CGNL1: variants seen among roughly 807,000 people sequenced by gnomAD.
CGNL1 encodes the protein cingulin-like protein 1.
A neutral mutation model predicts 141.2 loss-of-function variants in CGNL1; 132 were observed. That is an observed-to-expected ratio of 0.93 (90% CI 0.81 to 1.08). The LOEUF is 1.08. Among genes scored for constraint, CGNL1 ranks in the 50% least tolerant of loss-of-function variants. The pLI, the probability that CGNL1 is intolerant of heterozygous loss-of-function variation, is 0.00. For synonymous variants in CGNL1, 690 were observed against 622.1 expected, an observed-to-expected ratio of 1.11 and a Z score of -1.63; for missense variants, 1,870 against 1,588.6, an observed-to-expected ratio of 1.18 and a Z score of -3.01.
chr15:57,527,445 A>G (rs1259866344), intron 12 of CGNL1: 1 of 152,240 alleles, frequency 6.6e-6, no homozygotes, highest in Non-Finnish European at 1.5e-5. Context: ...GTATTATTCT[A>G]TTCATGAGAC....
chr15:57,457,143 G>T (rs1330681745), intron 7 of CGNL1, among the ~76,000 whole-genome samples: 1 of 152,178 alleles, frequency 6.6e-6, no homozygotes, highest in South Asian at 2.1e-4. Context: ...GTGAGCATGG[G>T]CCAGAGATAG....
intron 8 of CGNL1, among the ~76,000 whole-genome samples, chr15:57,505,615 G>A (rs1368373607): frequency 5.3e-5 from 8 of 152,146 alleles, no homozygotes; most frequent in South Asian, 2.1e-4. Flanking sequence ...TTAACCCTGT[G>A]GGTACCAGAG....
intron 8 of CGNL1, among the ~76,000 whole-genome samples, chr15:57,495,352 C>A (rs77319829): frequency 0.026 from 3,938 of 152,246 alleles, 100 homozygotes; most frequent in East Asian, 0.091. Context: ...GACTCTGGAA[C>A]CTCTGCCAGC....
At chr15:57,457,014 G>A (rs1417341781) in intron 7 of CGNL1, among the ~76,000 whole-genome samples, 3 of 152,160 alleles carry the variant, frequency 2.0e-5, no homozygotes, top group Non-Finnish European at 4.4e-5. Context: ...AAAAAAGGCA[G>A]CCAAAAATAC....
intron 13 of CGNL1, among the ~76,000 whole-genome samples, chr15:57,531,434 G>A (rs111963529): frequency 6.6e-6 from 1 of 152,090 alleles, no homozygotes; most frequent in African/African-American, 2.4e-5. Flanking sequence ...TTAGGGTTTG[G>A]GATAATGTTT....
intron 4 of CGNL1, among the ~76,000 whole-genome samples, chr15:57,450,282 C>G (rs1425154464): frequency 1.3e-5 from 2 of 151,976 alleles, no homozygotes; most frequent in African/African-American, 4.8e-5. Flanking sequence ...GTTGGTTTGT[C>G]TGTTTGTTTT....
intron 1 of CGNL1, among the ~76,000 whole-genome samples, chr15:57,381,082 T>G (rs1330730834): frequency 6.6e-6 from 1 of 152,244 alleles, no homozygotes; most frequent in East Asian, 1.9e-4. Context: ...CCCATAGGGC[T>G]AATAACCTCA....
rs1268025577 is a variant in CGNL1, at chr15:57,439,570, T to G, written c.1571T>G (p.Val524Gly). ...GATTCTGGTGCCAAGAAAATTTCCG[T>G]GAAGACATTTCCTTCGGCCTCAAAT... is the stretch of plus-strand genomic sequence containing the variant. ...SPDSGAKKISVKTFPSASNTQ... is the reference protein window; with the variant it reads ...SPDSGAKKISGKTFPSASNTQ... The change falls in exon 2 of 19, where the codon GTG (valine) becomes GGG (glycine). Residue 524 changes from valine to glycine, a missense_variant. Transcript: ENST00000281282. The G allele has an allele frequency of 6.2e-7, 1 of 1,613,764 alleles. No individual in the cohort carries two copies. Among genetic ancestry groups the G allele is most frequent in the Admixed American group, 1.7e-5 (1 of 60,026 alleles).
chr15:57,451,433 G>A, intron 4 of CGNL1, 67 bp from the exon 5 acceptor site: 1 of 1,105,434 alleles, frequency 9.0e-7, no homozygotes, highest in Non-Finnish European at 1.4e-6. Flanking sequence ...TATATTTGGA[G>A]GGGGAAGATA....
At chr15:57,491,281 T>C (rs1049776845) in intron 8 of CGNL1, among the ~76,000 whole-genome samples, 2 of 152,216 alleles carry the variant, frequency 1.3e-5, no homozygotes, top group East Asian at 3.8e-4. Flanking sequence ...TTTCTATAGA[T>C]AATTTTTCGT....
chr15:57,528,752 GTATGAGCTGGAA>G lies in CGNL1; in HGVS notation c.3139_3150del (p.Tyr1047_Glu1050del). 1 of 1,614,180 alleles carries G rather than the reference GTATGAGCTGGAA, an allele frequency of 6.2e-7. No individual in the cohort carries two copies. Among genetic ancestry groups the G allele is most frequent in the Non-Finnish European group, 8.5e-7 (1 of 1,180,024 alleles). Reference sequence around the variant, plus strand: ...TGGAGCAGACGCTGAAGGACCTGGAGTATGAGCTGGAAGCCAAGAGTCACCTCAAAGATGACC... The same window carrying G: ...TGGAGCAGACGCTGAAGGACCTGGAGGCCAAGAGTCACCTCAAAGATGACC... On this transcript the variant is annotated inframe_deletion, in exon 13 of 19. Transcript: ENST00000281282.
At chr15:57,430,091 G>A (rs761487671) in intron 1 of CGNL1, among the ~76,000 whole-genome samples, 15 of 152,222 alleles carry the variant, frequency 9.9e-5, no homozygotes, top group African/African-American at 3.4e-4. Flanking sequence ...GGTGACTGGC[G>A]TGAGCCACTG....
At chr15:57,520,457 C>T (rs1388084396) in intron 10 of CGNL1, among the ~76,000 whole-genome samples, 4 of 152,120 alleles carry the variant, frequency 2.6e-5, no homozygotes, top group Admixed American at 6.5e-5. Flanking sequence ...TAGCTGAAGA[C>T]GCTGGTAAAT....
At chr15:57,541,610 G>C (rs182516601) in intron 14 of CGNL1, among the ~76,000 whole-genome samples, 1 of 152,328 alleles carries the variant, frequency 6.6e-6, no homozygotes, top group African/African-American at 2.4e-5. Context: ...CTCTATGCAA[G>C]ATGCCCTAAG....
intron 10 of CGNL1, among the ~76,000 whole-genome samples, chr15:57,520,750 T>C (rs746423418): frequency 2.6e-5 from 4 of 152,150 alleles, no homozygotes; most frequent in Admixed American, 6.5e-5. Context: ...CATTGGACTT[T>C]TGAGTATTGA....
At chr15:57,537,999 C>T (rs1473263480) in intron 14 of CGNL1, among the ~76,000 whole-genome samples, 5 of 147,070 alleles carry the variant, frequency 3.4e-5, no homozygotes, top group African/African-American at 1.2e-4. Context: ...ATAGGTTTTT[C>T]CCTCCTCCCC....
chr15:57,541,587 G>T (rs941514595), intron 14 of CGNL1, among the ~76,000 whole-genome samples: 1 of 152,228 alleles, frequency 6.6e-6, no homozygotes, highest in African/African-American at 2.4e-5. Flanking sequence ...GCCACTGCTG[G>T]CATTTTTCCC....
intron 8 of CGNL1, among the ~76,000 whole-genome samples, chr15:57,514,221 G>A (rs12439126): frequency 0.16 from 23,933 of 151,986 alleles, 2,318 homozygotes; most frequent in East Asian, 0.46. Flanking sequence ...GTCCCATCTC[G>A]GCTCACTGCA....
chr15:57,446,789 C>T (rs1211193299), intron 4 of CGNL1, among the ~76,000 whole-genome samples: 2 of 149,194 alleles, frequency 1.3e-5, no homozygotes, highest in African/African-American at 4.9e-5. Flanking sequence ...AATGATTTTA[C>T]ACAGTGATTG....
Sources: gnomAD v4.1 joint callset for allele counts (sites outside exome capture counted in the v4.1 genomes callset) on GRCh38, gnomAD v4.1.1 for gene constraint, MANE v1.5 for transcripts, NCBI Gene and HGNC (gene_info 2026-07-23, HGNC 2026-07-21) for gene names.